Variants in FNIP1 observed in about 807,000 individuals in gnomAD.
The protein encoded by FNIP1 is folliculin interacting protein 1.
FNIP1 carries 40 observed loss-of-function variants against 124.5 expected under a neutral mutation model. The observed-to-expected ratio is 0.32, with a 90% CI of 0.25 to 0.42. The LOEUF is 0.42. FNIP1 is among the 10% of genes least tolerant of loss of function. The pLI is 1.00. For synonymous variants in FNIP1, 472 were observed against 470.6 expected, an observed-to-expected ratio of 1.00 and a Z score of -0.04; for missense variants, 1,176 against 1,403.7, an observed-to-expected ratio of 0.84 and a Z score of 2.59.
At position 131,677,688 on chromosome 5, in the gene FNIP1, T is replaced by C; in HGVS notation, c.1519+15A>G. The C allele has an allele frequency of 6.2e-7, 1 of 1,608,126 alleles. No homozygotes were observed. The highest frequency in any genetic ancestry group is 8.5e-7 in the Non-Finnish European group (1 of 1,175,688). On this transcript the variant is annotated intron_variant, in intron 13 of 17. Coordinates refer to ENST00000510461, the MANE Select transcript of FNIP1 (RefSeq NM_133372.3). ...AAAGTCTAATACATAGTGTAACAGT[T>C]GTCAGATTACATACCCAGTTGTGCC...
intron 11 of FNIP1, among the ~76,000 whole-genome samples, chr5:131,693,495 C>T (rs1768586800): frequency 6.6e-6 from 1 of 151,216 alleles, no homozygotes; most frequent in African/African-American, 2.4e-5. Flanking sequence ...AAAGTATTTT[C>T]AGCAAATGGT....
chr5:131,762,061 G>C (rs1771249692), intron 1 of FNIP1, among the ~76,000 whole-genome samples: 1 of 152,060 alleles, frequency 6.6e-6, no homozygotes, highest in Non-Finnish European at 1.5e-5. Flanking sequence ...ATATGCAGAA[G>C]AATAAAACCA....
At chr5:131,729,040 G>C (rs575917689) in intron 3 of FNIP1, among the ~76,000 whole-genome samples, 1 of 152,188 alleles carries the variant, frequency 6.6e-6, no homozygotes, top group Non-Finnish European at 1.5e-5. Flanking sequence ...ATTCCTGTCT[G>C]TCCCTTCCTC....
intron 2 of FNIP1, among the ~76,000 whole-genome samples, chr5:131,732,285 C>T (rs1770120527): frequency 6.6e-6 from 1 of 152,156 alleles, no homozygotes; most frequent in Non-Finnish European, 1.5e-5. Context: ...TTACCAACAT[C>T]ACCAAAGGCA....
intron 10 of FNIP1, among the ~76,000 whole-genome samples, chr5:131,699,476 C>T (rs1561661672): frequency 2.6e-5 from 4 of 151,392 alleles, no homozygotes; most frequent in Admixed American, 6.6e-5. Context: ...TCACTGCAAC[C>T]TCTGCCACCC....
intron 10 of FNIP1, 84 bp downstream of exon 10, chr5:131,703,981 T>A: frequency 1.7e-6 from 2 of 1,211,002 alleles, no homozygotes; most frequent in South Asian, 3.2e-5. Flanking sequence ...TCTGTTAATT[T>A]TTCTGCCAAA....
intron 11 of FNIP1, among the ~76,000 whole-genome samples, chr5:131,688,710 A>AG (rs1435759916): frequency 1.3e-5 from 2 of 151,082 alleles, no homozygotes; most frequent in Non-Finnish European, 3.0e-5. Flanking sequence ...ATTAAAAAAA[A>AG]AAAAAAAAGG....
At chr5:131,772,428 A>C (rs1003539330) in intron 1 of FNIP1, among the ~76,000 whole-genome samples, 5 of 152,124 alleles carry the variant, frequency 3.3e-5, no homozygotes, top group African/African-American at 1.2e-4. Context: ...ACCAAAAAAA[A>C]AAAAAAAAAT....
At chr5:131,740,521 T>C (rs1467788103) in intron 2 of FNIP1, among the ~76,000 whole-genome samples, 1 of 152,232 alleles carries the variant, frequency 6.6e-6, no homozygotes, top group Non-Finnish European at 1.5e-5. Flanking sequence ...TGGGAACTCA[T>C]GAAATAGCAT....
chr5:131,653,230 T>C (rs954356545), intron 15 of FNIP1, among the ~76,000 whole-genome samples: 10 of 151,746 alleles, frequency 6.6e-5, no homozygotes, highest in African/African-American at 2.4e-4. Flanking sequence ...CCAAGACACA[T>C]TGTTAAGTGA....
intron 15 of FNIP1, among the ~76,000 whole-genome samples, chr5:131,657,746 A>AC (rs1561640161): frequency 6.6e-6 from 1 of 150,554 alleles, no homozygotes; most frequent in Non-Finnish European, 1.5e-5. Flanking sequence ...CAAAAAAAAA[A>AC]AAAAAAAAAA....
chr5:131,707,491 TATTC>T (rs1345570517), intron 8 of FNIP1, among the ~76,000 whole-genome samples: 1 of 152,244 alleles, frequency 6.6e-6, no homozygotes, highest in African/African-American at 2.4e-5. Context: ...TATGAAGATC[TATTC>T]ATTTGAATTC....
rs760883463 is a variant in FNIP1, at chr5:131,672,067, G to T, written c.2377C>A (p.Gln793Lys). ...PLKEERGAID[Q>K]HQETKQTTKD... ...GTTGTTTGTTTAGTTTCTTGATGCT[G>T]ATCAATAGCCCCTCTTTCTTCCTTC... The change falls in exon 14 of 18, where the codon CAG becomes AAG. Residue 793 changes from glutamine to lysine, a missense_variant. Gln to Lys is a moderately conservative substitution (Grantham distance 53). This residue lies in a region of FNIP1 where 1,109 missense variants were observed against 1,288.5 expected (regional missense o/e 0.86). Coordinates refer to ENST00000510461, the MANE Select transcript of FNIP1 (RefSeq NM_133372.3). 27 of 1,614,014 alleles carry T rather than the reference G, an allele frequency of 1.7e-5. No individual in the cohort carries two copies. Among genetic ancestry groups the T allele is most frequent in the Non-Finnish European group, 2.2e-5 (26 of 1,180,024 alleles).
At chr5:131,745,489 C>T (rs1016917545) in intron 1 of FNIP1, among the ~76,000 whole-genome samples, 3 of 151,996 alleles carry the variant, frequency 2.0e-5, no homozygotes, top group Non-Finnish European at 4.4e-5. Flanking sequence ...CACTGTACTC[C>T]ACCCTGGGTG....
chr5:131,701,698 C>T (rs1271388060), intron 10 of FNIP1, among the ~76,000 whole-genome samples: 2 of 152,100 alleles, frequency 1.3e-5, no homozygotes, highest in African/African-American at 4.8e-5. Context: ...CTTTCTAAAC[C>T]ATTCTAACGG....
intron 1 of FNIP1, among the ~76,000 whole-genome samples, chr5:131,746,748 C>T (rs1208026652): frequency 6.6e-6 from 1 of 152,150 alleles, no homozygotes; most frequent in African/African-American, 2.4e-5. Context: ...CATACAAGTG[C>T]ATGTGTCTTT....
rs1250712980 is a variant in FNIP1, at chr5:131,715,013, C to A, written c.622+1552G>T. On this transcript the variant is annotated intron_variant, in intron 6 of 17. Coordinates refer to ENST00000510461, the MANE Select transcript of FNIP1 (RefSeq NM_133372.3). Reference sequence around the variant, plus strand: ...GAAAGAAAATAAGAAATGGTAGACACACACACAAAAAATCCTTGATTCACA... The same window carrying A: ...GAAAGAAAATAAGAAATGGTAGACAAACACACAAAAAATCCTTGATTCACA... Among the ~76,000 whole-genome samples the A allele has an allele frequency of 2.6e-5, 4 of 152,142 alleles. No individual in the cohort carries two copies. In the East Asian group the frequency reaches 5.8e-4, roughly 22 times the overall value.
At chr5:131,792,020 T>G (rs1021872504) in intron 1 of FNIP1, among the ~76,000 whole-genome samples, 2 of 152,224 alleles carry the variant, frequency 1.3e-5, no homozygotes, top group Non-Finnish European at 2.9e-5. Context: ...TTCTGGTTCC[T>G]GAAAGCCATG....
At chr5:131,726,044 C>T (rs550074159) in intron 3 of FNIP1, among the ~76,000 whole-genome samples, 27 of 152,222 alleles carry the variant, frequency 1.8e-4, no homozygotes, top group Non-Finnish European at 3.2e-4. Flanking sequence ...GGGACAAAGG[C>T]GACTTGATCG....
Sources: gnomAD v4.1 joint callset for allele counts (sites outside exome capture counted in the v4.1 genomes callset) on GRCh38, gnomAD v4.1.1 for gene constraint, gnomAD v4.1.1 regional missense constraint, MANE v1.5 for transcripts, NCBI Gene and HGNC (gene_info 2026-07-23, HGNC 2026-07-21) for gene names.